CTBP2: variants seen among roughly 807,000 people sequenced by gnomAD.
CTBP2 encodes C-terminal-binding protein 2.
CTBP2 carries 30 observed loss-of-function variants against 80.3 expected under a neutral mutation model. The observed-to-expected ratio is 0.37, with a 90% CI of 0.28 to 0.51. CTBP2 has a LOEUF of 0.51. Among genes scored for constraint, CTBP2 ranks in the 20% least tolerant of loss-of-function variants. The pLI is 0.93. For missense variants in CTBP2, 1,212 were observed against 1,375.3 expected (o/e 0.88, Z 1.88); for synonymous variants, 594 against 587.4 (o/e 1.01, Z -0.16).
chr10:125,029,015 T>C (rs550253517), upstream of CTBP2, among the ~76,000 whole-genome samples: 334 of 152,346 alleles, frequency 2.2e-3, 2 homozygotes, highest in African/African-American at 7.3e-3. Flanking sequence ...GTTCCTGCCC[T>C]GCAACTGCAG....
At chr10:125,021,215 C>G (rs1383671795) in intron 1 of CTBP2, among the ~76,000 whole-genome samples, 2 of 152,192 alleles carry the variant, frequency 1.3e-5, no homozygotes, top group Non-Finnish European at 2.9e-5. Flanking sequence ...TGAGGCCAGG[C>G]AGCTCCAACC....
chr10:125,026,652 T>C lies in CTBP2; in HGVS notation c.1108A>G (p.Ser370Gly). ...AGTTCGCTTCGGTGGCTGAAGCTGC[T>C]GGACCGCGCCCGGGGCAGCGGGCCC... is the stretch of plus-strand genomic sequence containing the variant. Residue 370 changes from serine to glycine, a missense_variant, in exon 1 of 9, where the codon AGC (serine) becomes GGC (glycine). Ser to Gly is a moderately conservative substitution (Grantham distance 56). This residue lies in a region of CTBP2 where 848 missense variants were observed against 782.3 expected (regional missense o/e 1.08). Coordinates refer to ENST00000309035, the MANE Select transcript of CTBP2 (RefSeq NM_022802.3). 2 of 1,591,952 alleles carry C rather than the reference T, an allele frequency of 1.3e-6. No homozygotes were observed. Among genetic ancestry groups the C allele is most frequent in the Non-Finnish European group, 8.5e-7 (1 of 1,169,934 alleles).
intron 2 of CTBP2, among the ~76,000 whole-genome samples, chr10:125,080,789 G>A (rs1312929784): frequency 6.6e-6 from 1 of 152,106 alleles, no homozygotes; most frequent in African/African-American, 2.4e-5. Context: ...CTTCTGACCT[G>A]ATAGGAGTCT....
Position 125,027,084 on chromosome 10 carries a change from G to T in CTBP2, c.676C>A (p.Gln226Lys). 1 of 1,612,010 alleles carries T rather than the reference G, an allele frequency of 6.2e-7. No homozygotes were observed. The highest frequency in any genetic ancestry group is 8.5e-7 in the Non-Finnish European group (1 of 1,178,726). Residue 226 changes from glutamine (Q) to lysine (K), a missense_variant, in exon 1 of 9, where the codon CAG becomes AAG. Transcript: ENST00000309035. The stretch of plus-strand genomic sequence containing the variant: ...ACAACCAGGCACGTCGGGGCCACCT[G>T]TCTGGCAGGGGCAGGGTCAATGGGT...
At chr10:125,159,223 G>A (rs1861493665) in intron 1 of CTBP2, among the ~76,000 whole-genome samples, 1 of 149,924 alleles carries the variant, frequency 6.7e-6, no homozygotes, top group South Asian at 2.1e-4. Context: ...CCGGGTCCCT[G>A]CCGCCCGGGG....
intron 1 of CTBP2, among the ~76,000 whole-genome samples, chr10:125,003,840 C>A (rs1052730501): frequency 6.7e-6 from 1 of 149,452 alleles, no homozygotes; most frequent in African/African-American, 2.5e-5. Flanking sequence ...CCGGCACCAG[C>A]TGCCCCTCAC....
intron 2 of CTBP2, among the ~76,000 whole-genome samples, chr10:125,061,810 A>C (rs1965023593): frequency 6.6e-6 from 1 of 152,078 alleles, no homozygotes; most frequent in Admixed American, 6.5e-5. Context: ...TGAGAGGAGC[A>C]GCTGTAGCAA....
intron 1 of CTBP2, among the ~76,000 whole-genome samples, chr10:125,141,794 G>A (rs1455826669): frequency 6.6e-5 from 10 of 152,078 alleles, no homozygotes; most frequent in African/African-American, 2.2e-4. Flanking sequence ...TACACAGCAA[G>A]CACACAGCAA....
rs72828988 is a variant in CTBP2 at position 124,997,821 on chromosome 10, A to G, written c.2185+143T>C. On this transcript the variant is annotated intron_variant, in intron 4 of 8. Coordinates refer to ENST00000309035, the MANE Select transcript of CTBP2 (RefSeq NM_022802.3). Reference sequence around the variant, plus strand: ...TGATGGGTCTTGACTCCGATCTCCTACCCCGTGCAACACGGGGAGGGTGCT... The same window carrying G: ...TGATGGGTCTTGACTCCGATCTCCTGCCCCGTGCAACACGGGGAGGGTGCT... 5.9e-3 allele frequency: 4,714 copies of G among 799,214 alleles called. 13 individuals are homozygous for G. Among genetic ancestry groups the G allele is most frequent in the Non-Finnish European group, 7.8e-3 (3,998 of 511,486 alleles). The allele number at this position is 799,214 out of a possible 1,614,324, so 49.5% of individuals were successfully genotyped here.
At chr10:125,093,948 T>TA (rs1849165888) in intron 2 of CTBP2, among the ~76,000 whole-genome samples, 1 of 152,088 alleles carries the variant, frequency 6.6e-6, no homozygotes, top group Non-Finnish European at 1.5e-5. Context: ...TCAAGTGAGA[T>TA]AAAAACCATC....
rs755110018 is a variant in CTBP2 at position 124,984,730 on chromosome 10, A to G, written c.*4788T>C. 6.3e-7 allele frequency: 1 copy of G among 1,582,516 alleles called. No homozygotes were observed. ...ATGTCACATTCCTACCAAGTCTCTG[A>G]TCTGTTGTATGATTTTCCCTTTGTC... On this transcript the variant is annotated 3_prime_UTR_variant, in exon 9 of 9. Coordinates refer to ENST00000309035, the MANE Select transcript of CTBP2 (RefSeq NM_022802.3).
At chr10:125,131,523 G>A (rs1162900695) in intron 1 of CTBP2, among the ~76,000 whole-genome samples, 3 of 152,190 alleles carry the variant, frequency 2.0e-5, no homozygotes, top group Admixed American at 2.0e-4. Context: ...ATGGGAGACG[G>A]CGCTGCTTTC....
chr10:124,998,444 G>A (rs1953963717), intron 3 of CTBP2: 1 of 480,200 alleles, frequency 2.1e-6, no homozygotes, highest in Non-Finnish European at 3.8e-6. Flanking sequence ...GGCTGATTTT[G>A]GGCCTGACTG....
chr10:125,151,053 A>G (rs977639878), intron 1 of CTBP2, among the ~76,000 whole-genome samples: 5 of 151,990 alleles, frequency 3.3e-5, no homozygotes, highest in African/African-American at 1.2e-4. Context: ...ACAACACACA[A>G]TGGCCCAGCG....
At chr10:125,044,822 GGGATCAGT>G in intron 2 of CTBP2, among the ~76,000 whole-genome samples, 1 of 152,312 alleles carries the variant, frequency 6.6e-6, no homozygotes, top group South Asian at 2.1e-4. Context: ...AAAGGAGTCA[GGGATCAGT>G]GGGTCAAAAA....
At chr10:125,049,437 C>T (rs529029799) in intron 2 of CTBP2, among the ~76,000 whole-genome samples, 1 of 152,320 alleles carries the variant, frequency 6.6e-6, no homozygotes, top group East Asian at 1.9e-4. Flanking sequence ...CACCTGAGCT[C>T]CGGTGCCACC....
chr10:124,997,940 G>T (rs528186179), intron 4 of CTBP2, 24 bp downstream of exon 6: 5 of 1,599,940 alleles, frequency 3.1e-6, no homozygotes, highest in Non-Finnish European at 3.4e-6. Flanking sequence ...GGGGTTGGGG[G>T]TCAGCGCAGA....
chr10:125,076,141 C>T (rs1363054797), intron 2 of CTBP2, among the ~76,000 whole-genome samples: 1 of 151,586 alleles, frequency 6.6e-6, no homozygotes, highest in African/African-American at 2.4e-5. Flanking sequence ...CCTTTCTTTT[C>T]CCAAGCTCCA....
At chr10:125,024,659 A>G (rs577829660) in intron 1 of CTBP2, among the ~76,000 whole-genome samples, 1 of 152,352 alleles carries the variant, frequency 6.6e-6, no homozygotes, top group Admixed American at 6.5e-5. Context: ...TAATTAAGGA[A>G]TATGTTTTCA....
Sources: allele counts gnomAD v4.1 joint callset (sites outside exome capture counted in the v4.1 genomes callset), GRCh38; gene constraint gnomAD v4.1.1; regional missense constraint gnomAD v4.1.1; transcripts MANE v1.5; gene names NCBI Gene and HGNC (gene_info 2026-07-23, HGNC 2026-07-21).